The following B4GALT1 variants were observed in gnomAD, a reference collection of about 807,000 sequenced individuals.
B4GALT1 encodes N-acetyllactosamine synthase.
In B4GALT1, 16 loss-of-function variants were observed where a neutral mutation model predicts 34.9. That is an observed-to-expected ratio of 0.46 (90% CI 0.31 to 0.70). The LOEUF (loss-of-function observed/expected upper bound fraction) is 0.70, where lower values mean the gene tolerates loss of function less well. B4GALT1 is among the 30% of genes least tolerant of loss of function. The probability of loss-of-function intolerance (pLI) is 0.05; values close to 1 mark genes in which losing one functional copy is unlikely to be tolerated. For synonymous variants in B4GALT1, 221 were observed against 218.1 expected, an observed-to-expected ratio of 1.01 and a Z score of -0.12; for missense variants, 445 against 530.5, an observed-to-expected ratio of 0.84 and a Z score of 1.58.
chr9:33,152,296 T>A (rs376115453), intron 1 of B4GALT1, among the ~76,000 whole-genome samples: 1 of 148,572 alleles, frequency 6.7e-6, no homozygotes, highest in African/African-American at 2.5e-5. Flanking sequence ...AGAGCAAGAC[T>A]CCCTCTCCAA....
chr9:33,116,148 G>A lies in B4GALT1; in HGVS notation c.837-35C>T, dbSNP rs768553351. The A allele has an allele frequency of 7.5e-6, 12 of 1,606,402 alleles. No homozygotes were observed. In the South Asian group the frequency reaches 1.3e-4, roughly 18 times the overall value. On this transcript the variant is annotated intron_variant, in intron 3 of 5. Coordinates refer to ENST00000379731, the MANE Select transcript of B4GALT1 (RefSeq NM_001497.4). ...AAACATACACACAGAAGGAGCAGTG[G>A]TTAGTTAAGTTCTGACATCCCCAAA... is the stretch of plus-strand genomic sequence containing the variant.
intron 2 of B4GALT1, among the ~76,000 whole-genome samples, chr9:33,129,629 C>T (rs998684181): frequency 3.3e-5 from 5 of 152,162 alleles, no homozygotes; most frequent in Admixed American, 3.3e-4. Context: ...GGGAGGCAGA[C>T]ATGAGGGACT....
chr9:33,184,289 A>ACACACACAC, the B4GALT1 span, among the ~76,000 whole-genome samples: 703 of 100,888 alleles, frequency 7.0e-3, 7 homozygotes, highest in Non-Finnish European at 1.0e-2. Context: ...CACACACACA[A>ACACACACAC]AAACATAGGA....
At chr9:33,107,426 C>G (rs957819359), downstream of B4GALT1, among the ~76,000 whole-genome samples, 1 of 152,014 alleles carries the variant, frequency 6.6e-6, no homozygotes, top group Non-Finnish European at 1.5e-5. Flanking sequence ...TCCCTCCCCT[C>G]TCCCCCCACC....
At chr9:33,157,121 TACACACACACACAC>T (rs199541947) in intron 1 of B4GALT1, among the ~76,000 whole-genome samples, 3 of 113,228 alleles carry the variant, frequency 2.6e-5, no homozygotes, top group South Asian at 3.1e-4. Flanking sequence ...CATAGGGAAC[TACACACACACACAC>T]ACACACACAC....
intron 1 of B4GALT1, among the ~76,000 whole-genome samples, chr9:33,157,195 C>G (rs891084266): frequency 6.7e-6 from 1 of 150,348 alleles, no homozygotes; most frequent in Non-Finnish European, 1.5e-5. Flanking sequence ...CCAGCTAGAT[C>G]CAAATCGCCC....
At chr9:33,120,354 T>A in intron 3 of B4GALT1, 65 bp downstream of exon 3, 1 of 1,580,990 alleles carries the variant, frequency 6.3e-7, no homozygotes, top group Non-Finnish European at 8.7e-7. Context: ...CTGCCAGGAC[T>A]GCATTTCCTA....
At chr9:33,164,586 T>C (rs574497769) in intron 1 of B4GALT1, among the ~76,000 whole-genome samples, 1 of 152,324 alleles carries the variant, frequency 6.6e-6, no homozygotes, top group East Asian at 1.9e-4. Flanking sequence ...TAGCCAATTA[T>C]AGTCCATTTA....
intron 2 of B4GALT1, among the ~76,000 whole-genome samples, chr9:33,131,392 T>C (rs1261236083): frequency 6.6e-6 from 1 of 152,158 alleles, no homozygotes; most frequent in East Asian, 1.9e-4. Flanking sequence ...GAAGTGGAAA[T>C]GGGACATGGC....
intron 1 of B4GALT1, among the ~76,000 whole-genome samples, chr9:33,163,877 G>C (rs1275958521): frequency 6.6e-6 from 1 of 152,176 alleles, no homozygotes; most frequent in Admixed American, 6.5e-5. Flanking sequence ...GAATCCTCAG[G>C]AAAGGCCCCC....
chr9:33,115,853 A>G (rs968137237), intron 4 of B4GALT1, 138 bp downstream of exon 4: 2 of 1,134,294 alleles, frequency 1.8e-6, no homozygotes, highest in Middle Eastern at 3.0e-4. Flanking sequence ...GACCTGTAGG[A>G]AGCCACACCT....
chr9:33,135,195 G>T lies in B4GALT1; in HGVS notation c.642C>A (p.Ile214=). ...RQQLDYGIYV[I]NQAGDTIFNR... is the part of the protein sequence containing the mutation. ...CCACCTTCCCAGGCCTCACCTGGTT[G>T]ATAACATAGATGCCATAGTCCAGCT... The change falls in exon 2 of 6, where the codon ATC becomes ATA. Residue 214 remains isoleucine (I), a synonymous_variant. Coordinates refer to ENST00000379731, the MANE Select transcript of B4GALT1 (RefSeq NM_001497.4). 1 of 1,613,824 alleles carries T rather than the reference G, an allele frequency of 6.2e-7. No individual in the cohort carries two copies. Among genetic ancestry groups the T allele is most frequent in the Non-Finnish European group, 8.5e-7 (1 of 1,179,828 alleles).
At position 33,111,223 on chromosome 9, in the gene B4GALT1, C is replaced by T. The variant is rs1658875935; in HGVS notation, c.*2231G>A. On this transcript the variant is annotated 3_prime_UTR_variant, in exon 6 of 6. Transcript: ENST00000379731. ...TTCCCTTGGTTCTAAGAATGAACCACATACTTGACATGAATGAGAAGGTAA... is the reference window on the plus strand; with the variant it reads ...TTCCCTTGGTTCTAAGAATGAACCATATACTTGACATGAATGAGAAGGTAA... The T allele has an allele frequency of 9.8e-6, 1 of 101,800 alleles. No individual in the cohort carries two copies. The highest frequency in any genetic ancestry group is 3.4e-4 in the South Asian group (1 of 2,914). 6.3% of individuals were successfully genotyped at this position (101,800 alleles called of 1,614,324 possible).
intron 1 of B4GALT1, among the ~76,000 whole-genome samples, chr9:33,162,523 C>A (rs1840689260): frequency 6.6e-6 from 1 of 152,204 alleles, no homozygotes. Flanking sequence ...GATCACCATA[C>A]AAGACCCTTC....
rs1285275329 is a variant in B4GALT1 at position 33,116,025 on chromosome 9, C to T, written c.925G>A (p.Gly309Ser). ...ATGTCATCATCTTCTCCTCCCCAGC[C>T]CCAATAATTATTAGGAAATCCATTG... is the stretch of plus-strand genomic sequence containing the variant. ...TINGFPNNYW[G>S]WGGEDDDIFN... The change falls in exon 4 of 6, where the codon GGC becomes AGC. Residue 309 changes from glycine to serine, a missense_variant. Physicochemically the swap from Gly to Ser is moderately conservative, Grantham distance 56. Transcript: ENST00000379731. The T allele has an allele frequency of 6.2e-7, 1 of 1,612,790 alleles. No homozygotes were observed. Among genetic ancestry groups the T allele is most frequent in the Non-Finnish European group, 8.5e-7 (1 of 1,179,192 alleles).
rs1439812965 is a variant in B4GALT1 at position 33,113,158 on chromosome 9, C to T, written c.*296G>A. On this transcript the variant is annotated 3_prime_UTR_variant, in exon 6 of 6. Coordinates refer to ENST00000379731, the MANE Select transcript of B4GALT1 (RefSeq NM_001497.4). ...CAATTCTATCACCGGGAATGTGTTC[C>T]ACGGCCACCAAATTTTGGGATGTGT... 5 of 437,618 alleles carry T rather than the reference C, an allele frequency of 1.1e-5. No homozygotes were observed. The highest frequency in any genetic ancestry group is 2.1e-5 in the Non-Finnish European group (5 of 238,046). 27.1% of individuals were successfully genotyped at this position (437,618 alleles called of 1,614,324 possible). A position where few individuals can be genotyped will look rare whatever the true frequency, so the allele number is the denominator to read the frequency against.
chr9:33,120,730 C>T (rs760018820), intron 2 of B4GALT1, 124 bp from the exon 3 acceptor site: 3 of 946,418 alleles, frequency 3.2e-6, no homozygotes, highest in Non-Finnish European at 4.9e-6. Flanking sequence ...CACTTTTCTG[C>T]CGTCACTCTA....
At chr9:33,118,278 T>C (rs1317018809) in intron 3 of B4GALT1, among the ~76,000 whole-genome samples, 2 of 152,198 alleles carry the variant, frequency 1.3e-5, no homozygotes, top group Non-Finnish European at 2.9e-5. Flanking sequence ...AAGGACTTCA[T>C]ACATTCCTAT....
At chr9:33,118,112 G>C (rs7868653) in intron 3 of B4GALT1, among the ~76,000 whole-genome samples, 18,428 of 152,160 alleles carry the variant, frequency 0.12, 1,325 homozygotes, top group African/African-American at 0.19. Context: ...GTATAAACCT[G>C]TGTGTTTCAA....
Sources: allele counts gnomAD v4.1 joint callset (sites outside exome capture counted in the v4.1 genomes callset), GRCh38; gene constraint gnomAD v4.1.1; transcripts MANE v1.5; gene names NCBI Gene and HGNC (gene_info 2026-07-23, HGNC 2026-07-21).